The following NPSR1 variants were observed in gnomAD, a reference collection of about 807,000 sequenced individuals.
NPSR1 encodes the protein neuropeptide S receptor.
NPSR1 carries 48 observed loss-of-function variants against 46.9 expected under a neutral mutation model. The observed-to-expected ratio is 1.02, with a 90% CI of 0.81 to 1.30. NPSR1 has a LOEUF of 1.30. Ranked by LOEUF, NPSR1 falls within the 50% of genes most tolerant of loss-of-function variation. The pLI is 0.00. For missense variants in NPSR1, 450 were observed against 449.5 expected (o/e 1.00, Z -0.01); for synonymous variants, 176 against 168.1 (o/e 1.05, Z -0.36).
chr7:34,866,947 TCTC>T (rs1310112040), intron 8 of NPSR1, among the ~76,000 whole-genome samples: 2 of 151,528 alleles, frequency 1.3e-5, no homozygotes, highest in African/African-American at 2.4e-5. Context: ...GATTTTGACT[TCTC>T]TTCTTCTGGG....
chr7:34,834,568 C>A, intron 6 of NPSR1, 108 bp downstream of exon 6: 1 of 809,242 alleles, frequency 1.2e-6, no homozygotes, highest in South Asian at 1.5e-5. Flanking sequence ...CATACAGGAT[C>A]ATATCAGGAC....
chr7:34,811,983 TTC>T, intron 4 of NPSR1, 120 bp downstream of exon 4: 2 of 663,688 alleles, frequency 3.0e-6, no homozygotes, highest in South Asian at 3.7e-5. Context: ...CTTCTCTTTC[TTC>T]TCTCTTCATT....
chr7:34,733,418 TAAA>T (rs34203443), intron 2 of NPSR1, among the ~76,000 whole-genome samples: 3 of 131,776 alleles, frequency 2.3e-5, no homozygotes, highest in Admixed American at 7.7e-5. Context: ...GATTTTGTCT[TAAA>T]AAAAAAAAAA....
chr7:34,695,073 A>G (rs1434497498), intron 2 of NPSR1, among the ~76,000 whole-genome samples: 1 of 152,216 alleles, frequency 6.6e-6, no homozygotes, highest in Non-Finnish European at 1.5e-5. Flanking sequence ...TTTATACAAC[A>G]AGGCTGTAGT....
chr7:34,714,922 C>T (rs1428415695), intron 2 of NPSR1, among the ~76,000 whole-genome samples: 1 of 152,238 alleles, frequency 6.6e-6, no homozygotes, highest in East Asian at 1.9e-4. Flanking sequence ...CCCATCTCAG[C>T]CCAGCAGCAG....
intron 2 of NPSR1, among the ~76,000 whole-genome samples, chr7:34,748,357 C>T (rs1708951275): frequency 6.6e-6 from 1 of 152,210 alleles, no homozygotes; most frequent in African/African-American, 2.4e-5. Context: ...CCATCACAGC[C>T]ACTTCACACT....
Position 34,801,563 on chromosome 7 carries a change from A to G in NPSR1, c.385-10207A>G, listed in dbSNP as rs868312098. ...TCAATAAATTAGGTATTGATGGGAC[A>G]TATCTCAAAATAATAAGAGCTATCT... On this transcript the variant is annotated intron_variant, in intron 3 of 8. Transcript: ENST00000360581. 1.6e-3 allele frequency among the ~76,000 whole-genome samples: 221 copies of G among 140,914 alleles called. 8 individuals are homozygous for G. The highest frequency in any genetic ancestry group is 6.2e-3 in the African/African-American group (211 of 33,762). 92.4% of individuals were successfully genotyped at this position (140,914 alleles called of 152,430 possible).
chr7:34,701,037 T>C (rs1039099616), intron 2 of NPSR1, among the ~76,000 whole-genome samples: 2 of 152,216 alleles, frequency 1.3e-5, no homozygotes, highest in Non-Finnish European at 2.9e-5. Flanking sequence ...GCTCTTTTAT[T>C]CAGGACAATA....
intron 3 of NPSR1, among the ~76,000 whole-genome samples, chr7:34,790,990 A>ATGT (rs1787787969): frequency 8.4e-6 from 1 of 119,204 alleles, no homozygotes; most frequent in Non-Finnish European, 1.6e-5. Context: ...GTTATATTAT[A>ATGT]TATGTTATAT....
At chr7:34,850,067 T>G (rs1204144897), downstream of NPSR1, 2 of 862,550 alleles carry the variant, frequency 2.3e-6, no homozygotes, top group Non-Finnish European at 2.8e-6. Flanking sequence ...TAAGCCCATA[T>G]TTTTCCCCCA....
chr7:34,878,009 C>A, intron 8 of NPSR1: 1 of 879,314 alleles, frequency 1.1e-6, no homozygotes. Context: ...TCACACATTC[C>A]TTCCTTTTAT....
At chr7:34,804,879 C>A (rs1788615274) in intron 3 of NPSR1, among the ~76,000 whole-genome samples, 1 of 151,784 alleles carries the variant, frequency 6.6e-6, no homozygotes, top group East Asian at 1.9e-4. Context: ...ATACAAAAGT[C>A]AGTTGTTTTT....
intron 3 of NPSR1, among the ~76,000 whole-genome samples, chr7:34,803,880 A>C (rs1352091706): frequency 6.6e-6 from 1 of 152,038 alleles, no homozygotes; most frequent in African/African-American, 2.4e-5. Context: ...CTCTATGCCC[A>C]CAAGTTTGAT....
At chr7:34,717,275 G>C (rs1783626384) in intron 2 of NPSR1, among the ~76,000 whole-genome samples, 1 of 152,158 alleles carries the variant, frequency 6.6e-6, no homozygotes. Context: ...TTCGATTACA[G>C]GCATGTGCCA....
At chr7:34,797,209 G>A (rs895770462) in intron 3 of NPSR1, among the ~76,000 whole-genome samples, 1 of 152,078 alleles carries the variant, frequency 6.6e-6, no homozygotes, top group Non-Finnish European at 1.5e-5. Context: ...GAGCACAGAG[G>A]GGGAACAAAG....
chr7:34,786,741 C>T (rs1433796972), intron 3 of NPSR1, among the ~76,000 whole-genome samples: 1 of 152,084 alleles, frequency 6.6e-6, no homozygotes, highest in African/African-American at 2.4e-5. Flanking sequence ...TCATCGTCAT[C>T]AAAGCTCTTG....
In NPSR1 at chr7:34,791,430, C is replaced by A. The variant is rs374870084; in HGVS notation, c.384+12865C>A. Among the ~76,000 whole-genome samples the A allele has an allele frequency of 1.2e-3, 168 of 142,744 alleles. 1 individual carries two copies. The highest frequency in any genetic ancestry group is 4.1e-3 in the African/African-American group (166 of 40,458). The allele number at this position is 142,744 out of a possible 152,430, so 93.6% of individuals were successfully genotyped here. A position where few individuals can be genotyped will look rare whatever the true frequency, so the allele number is the denominator to read the frequency against. ...AATGTTTCTATACACTAACAATGAACTATCCAAAAAAAAATAGAATCTATT... is the reference window on the plus strand; with the variant it reads ...AATGTTTCTATACACTAACAATGAAATATCCAAAAAAAAATAGAATCTATT... On this transcript the variant is annotated intron_variant, in intron 3 of 8. Coordinates refer to ENST00000360581, the MANE Select transcript of NPSR1 (RefSeq NM_207172.2).
chr7:34,860,790 AAG>A (rs552991227), intron 8 of NPSR1, among the ~76,000 whole-genome samples: 92 of 151,974 alleles, frequency 6.1e-4, no homozygotes, highest in Non-Finnish European at 1.1e-3. Flanking sequence ...CTGTTGTAAA[AAG>A]AGTTTTGACC....
At chr7:34,836,120 C>T (rs564450141) in intron 6 of NPSR1, among the ~76,000 whole-genome samples, 3 of 152,108 alleles carry the variant, frequency 2.0e-5, no homozygotes, top group African/African-American at 7.2e-5. Context: ...TAATTCCAGC[C>T]CCCATGCAGA....
Sources: gnomAD v4.1 joint callset for allele counts (sites outside exome capture counted in the v4.1 genomes callset) on GRCh38, gnomAD v4.1.1 for gene constraint, MANE v1.5 for transcripts, NCBI Gene and HGNC (gene_info 2026-07-23, HGNC 2026-07-21) for gene names.